Variants in METTL5 observed in about 807,000 individuals in gnomAD.
METTL5 encodes methyltransferase 5, N6-adenosine.
In METTL5, 28 loss-of-function variants were observed where a neutral mutation model predicts 26.5. The ratio of observed to expected loss-of-function variants is 1.06; its 90% CI spans 0.78 to 1.45. The LOEUF (loss-of-function observed/expected upper bound fraction) is 1.45, where lower values mean the gene tolerates loss of function less well. METTL5 is among the 40% of genes most tolerant of loss of function. METTL5 has a pLI of 0.00. For synonymous variants in METTL5, 86 were observed against 82.6 expected, an observed-to-expected ratio of 1.04 and a Z score of -0.22; for missense variants, 231 against 249.9, an observed-to-expected ratio of 0.92 and a Z score of 0.51.
intron 3 of METTL5, among the ~76,000 whole-genome samples, chr2:169,820,068 C>T (rs999088625): frequency 6.6e-6 from 1 of 152,022 alleles, no homozygotes; most frequent in Non-Finnish European, 1.5e-5. Context: ...AGTGATTCTC[C>T]TGCCTCAGCC....
At chr2:169,824,248 A>T in intron 1 of METTL5, 1 of 404,698 alleles carries the variant, frequency 2.5e-6, no homozygotes, top group Non-Finnish European at 4.5e-6. Flanking sequence ...AAAACACATT[A>T]AAAAGATGTC....
At chr2:169,824,347 G>C in intron 1 of METTL5, 142 bp downstream of exon 1, 7 of 662,024 alleles carry the variant, frequency 1.1e-5, no homozygotes, top group South Asian at 1.8e-5. Flanking sequence ...GCAGTGTCAA[G>C]GAAGGCCTCT....
rs992914938 is a variant in METTL5 at position 169,820,587 on chromosome 2, A to G, written c.406+505T>C. Among the ~76,000 whole-genome samples the G allele has an allele frequency of 2.0e-5, 3 of 152,374 alleles. No homozygotes were observed. The Middle Eastern group carries it at 0.01, about 518-fold the overall frequency. On this transcript the variant is annotated intron_variant, in intron 3 of 6. Coordinates refer to ENST00000260953, the MANE Select transcript of METTL5 (RefSeq NM_014168.4). Reference sequence around the variant, plus strand: ...CATGCATTAAACAAATTGAAATGTAAATTATAAGAACTATACAAATAAGAG... The same window carrying G: ...CATGCATTAAACAAATTGAAATGTAGATTATAAGAACTATACAAATAAGAG...
chr2:169,819,060 G>A (rs1029809920), intron 4 of METTL5, among the ~76,000 whole-genome samples: 2 of 152,166 alleles, frequency 1.3e-5, no homozygotes, highest in African/African-American at 2.4e-5. Context: ...CTAAAAAAAT[G>A]TACTGCCCCT....
intron 3 of METTL5, 65 bp from the exon 4 acceptor site, chr2:169,819,708 AT>A: frequency 8.7e-7 from 1 of 1,145,324 alleles, no homozygotes; most frequent in Non-Finnish European, 1.3e-6. Flanking sequence ...AGTTAGTAGG[AT>A]TTAGAAATAT....
In METTL5 at chr2:169,822,032, G is replaced by A; in HGVS notation, c.135C>T (p.Asn45=). Reference sequence around the variant, plus strand: ...CTTTATTTTCAATGTCATCATAAGTGTTATGGATTGTATAGAGCATACATG... The same window carrying A: ...CTTTATTTTCAATGTCATCATAAGTATTATGGATTGTATAGAGCATACATG... ...IAACMLYTIH[N]TYDDIENKVV... The change falls in exon 2 of 7, where the codon AAC becomes AAT. Residue 45 remains asparagine, a synonymous_variant. Coordinates refer to ENST00000260953, the MANE Select transcript of METTL5 (RefSeq NM_014168.4). 6.2e-7 allele frequency: 1 copy of A among 1,611,322 alleles called. No individual in the cohort carries two copies. Among genetic ancestry groups the A allele is most frequent in the East Asian group, 2.2e-5 (1 of 44,856 alleles).
intron 1 of METTL5, among the ~76,000 whole-genome samples, chr2:169,822,627 C>T (rs913465185): frequency 4.6e-5 from 7 of 151,692 alleles, no homozygotes; most frequent in Non-Finnish European, 8.8e-5. Flanking sequence ...CACAGGTTCT[C>T]ACTATATTGC....
chr2:169,813,422 C>T (rs1690045246), intron 5 of METTL5, among the ~76,000 whole-genome samples: 2 of 151,732 alleles, frequency 1.3e-5, no homozygotes, highest in Non-Finnish European at 2.9e-5. Flanking sequence ...AGCCACCACG[C>T]CCGGCCTGAA....
At chr2:169,813,494 T>C (rs1229678337) in intron 5 of METTL5, among the ~76,000 whole-genome samples, 2 of 151,618 alleles carry the variant, frequency 1.3e-5, no homozygotes, top group Admixed American at 6.6e-5. Context: ...AGGGCCACAT[T>C]TGGAGGAACA....
intron 2 of METTL5, 79 bp downstream of exon 2, chr2:169,821,863 TA>T: frequency 7.7e-7 from 1 of 1,305,238 alleles, no homozygotes; most frequent in Non-Finnish European, 1.1e-6. Context: ...TGGAGTCTCA[TA>T]AATATAATTC....
chr2:169,823,492 G>A (rs1454604069), intron 1 of METTL5, among the ~76,000 whole-genome samples: 1 of 152,076 alleles, frequency 6.6e-6, no homozygotes, highest in South Asian at 2.1e-4. Flanking sequence ...TTTGGAACTG[G>A]AAAAAACTCC....
chr2:169,821,983 A>C lies in METTL5; in HGVS notation c.184T>G (p.Cys62Gly), dbSNP rs367726146. 41 of 1,613,748 alleles carry C rather than the reference A, an allele frequency of 2.5e-5. No homozygotes were observed. Among genetic ancestry groups the C allele is most frequent in the Non-Finnish European group, 3.3e-5 (39 of 1,180,014 alleles). ...GCAGTTCCGATGCTAAGTACTCCAC[A>C]ACCACATCCTAGATCTGCAACGACT... ...NKVVADLGCG[C>G]GVLSIGTAML... is the part of the protein sequence containing the mutation. Residue 62 changes from cysteine (C) to glycine (G), a missense_variant, in exon 2 of 7, where the codon TGT becomes GGT. Coordinates refer to ENST00000260953, the MANE Select transcript of METTL5 (RefSeq NM_014168.4).
In METTL5 at chr2:169,822,124, CTCTT is replaced by C. The variant is rs376045813; in HGVS notation, c.110-71_110-68del. The C allele has an allele frequency of 5.5e-5, 85 of 1,536,472 alleles. No individual in the cohort carries two copies. The African/African-American group carries it at 6.2e-4, about 11-fold the overall frequency. ...ACTAAAATCTAATTTGTGCAAATGA[CTCTT>C]TCTAAAATAATTTCTTGTGTTGCAT... On this transcript the variant is annotated intron_variant, in intron 1 of 6. Coordinates refer to ENST00000260953, the MANE Select transcript of METTL5 (RefSeq NM_014168.4).
At chr2:169,818,933 GAA>G (rs1266360915) in intron 4 of METTL5, among the ~76,000 whole-genome samples, 1 of 152,158 alleles carries the variant, frequency 6.6e-6, no homozygotes, top group Non-Finnish European at 1.5e-5. Context: ...CCTTGATGAT[GAA>G]ACTCAATTAC....
chr2:169,824,379 G>C (rs2081624402), intron 1 of METTL5, 110 bp downstream of exon 1: 1 of 879,244 alleles, frequency 1.1e-6, no homozygotes. Flanking sequence ...GGTGATCTTA[G>C]GGCAGAATTT....
chr2:169,815,484 A>ATT lies in METTL5; in HGVS notation c.533_534insAA (p.Ala180Ter). The ATT allele has an allele frequency of 6.2e-7, 1 of 1,602,742 alleles. No individual in the cohort carries two copies. ...GATTGAGATTTGTCTTACCTGCTAT[A>ATT]ATATCTATCTTGATTTTCCATTCTG... On this transcript the variant is annotated frameshift_variant, in exon 5 of 7. Transcript: ENST00000260953. LOFTEE classifies it high-confidence loss of function.
chr2:169,817,268 A>T (rs2081521626), intron 4 of METTL5, among the ~76,000 whole-genome samples: 1 of 152,220 alleles, frequency 6.6e-6, no homozygotes, highest in South Asian at 2.1e-4. Context: ...GGCAATCATT[A>T]AAAAGTCAGG....
intron 5 of METTL5, among the ~76,000 whole-genome samples, chr2:169,814,402 G>A (rs1248019818): frequency 2.1e-5 from 3 of 143,458 alleles, no homozygotes; most frequent in Non-Finnish European, 3.0e-5. Context: ...CAAGAGCATC[G>A]CTTGAACCCG....
chr2:169,819,567 A>G lies in METTL5; in HGVS notation c.483T>C (p.Thr161=). The G allele has an allele frequency of 6.2e-7, 1 of 1,606,730 alleles. No homozygotes were observed. The highest frequency in any genetic ancestry group is 8.5e-7 in the Non-Finnish European group (1 of 1,174,512). Residue 161 remains threonine (T), a synonymous_variant, in exon 4 of 7, where the codon ACT becomes ACC. Transcript: ENST00000260953. ...TAVYSLHKSS[T]REHVQKKAAE... is the part of the protein sequence containing the mutation. The stretch of plus-strand genomic sequence containing the variant: ...TCAGATGATTTGAACTTACTTCTCT[A>G]GTTGAGGATTTGTGTAAGGAATATA...
Sources: allele counts gnomAD v4.1 joint callset (sites outside exome capture counted in the v4.1 genomes callset), GRCh38; gene constraint gnomAD v4.1.1; transcripts MANE v1.5; gene names NCBI Gene and HGNC (gene_info 2026-07-23, HGNC 2026-07-21).